BCL2: variants seen among roughly 807,000 people sequenced by gnomAD.
BCL2 encodes BCL2 apoptosis regulator, also known as apoptosis regulator Bcl-2.
Under a neutral mutation model 14.2 loss-of-function variants are expected in BCL2, and 1 was observed. The observed-to-expected ratio is 0.07, with a 90% CI of 0.02 to 0.33. The LOEUF (loss-of-function observed/expected upper bound fraction) is 0.33, where lower values mean the gene tolerates loss of function less well. Among genes scored for constraint, BCL2 ranks in the 10% least tolerant of loss-of-function variants. The pLI, the probability that BCL2 is intolerant of heterozygous loss-of-function variation, is 0.99. For synonymous variants in BCL2, 151 were observed against 137.2 expected (o/e 1.10, Z -0.70); for missense variants, 247 against 305.9 (o/e 0.81, Z 1.44).
At chr18:63,297,120 G>A (rs766953908) in intron 2 of BCL2, among the ~76,000 whole-genome samples, 1 of 152,142 alleles carries the variant, frequency 6.6e-6, no homozygotes, top group Non-Finnish European at 1.5e-5. Context: ...GGCTGAGGCA[G>A]GAGAATGGCA....
At chr18:63,249,488 C>G (rs1434668601) in intron 2 of BCL2, among the ~76,000 whole-genome samples, 2 of 152,136 alleles carry the variant, frequency 1.3e-5, no homozygotes, top group Admixed American at 1.3e-4. Flanking sequence ...GGGTGGATCA[C>G]TTGAGGTCAG....
chr18:63,273,910 G>T (rs181553717), intron 2 of BCL2, among the ~76,000 whole-genome samples: 10 of 152,290 alleles, frequency 6.6e-5, no homozygotes, highest in African/African-American at 1.7e-4. Flanking sequence ...ATAGACAAAT[G>T]AAATAAGACT....
chr18:63,169,343 T>TTC (rs1364602426), intron 2 of BCL2, among the ~76,000 whole-genome samples: 1 of 54,486 alleles, frequency 1.8e-5, no homozygotes, highest in Middle Eastern at 8.2e-3. Context: ...CTTCCTTTCT[T>TTC]TCTTTCTTTC....
At chr18:63,289,825 C>T (rs954025615) in intron 2 of BCL2, among the ~76,000 whole-genome samples, 19 of 152,044 alleles carry the variant, frequency 1.2e-4, no homozygotes, top group South Asian at 2.1e-4. Context: ...GCCTGGGAGG[C>T]GGAGGTTGCA....
At chr18:63,281,139 G>A (rs7239838) in intron 2 of BCL2, among the ~76,000 whole-genome samples, 137,646 of 152,114 alleles carry the variant, frequency 0.9, 63,317 homozygotes, top group South Asian at 0.99. Context: ...ATAGAGGCAG[G>A]CAGTAGTATG....
At chr18:63,304,343 A>C (rs1913056480) in intron 2 of BCL2, among the ~76,000 whole-genome samples, 1 of 152,192 alleles carries the variant, frequency 6.6e-6, no homozygotes, top group Admixed American at 6.5e-5. Flanking sequence ...ATGAACTTGC[A>C]GTAACATGCC....
At chr18:63,134,000 AT>A (rs1431133997) in intron 2 of BCL2, among the ~76,000 whole-genome samples, 2 of 152,198 alleles carry the variant, frequency 1.3e-5, no homozygotes, top group Non-Finnish European at 2.9e-5. Context: ...CTAAGGTCAT[AT>A]TGAGTAAAGC....
At chr18:63,181,137 G>GA (rs1915472526) in intron 2 of BCL2, among the ~76,000 whole-genome samples, 1 of 152,140 alleles carries the variant, frequency 6.6e-6, no homozygotes, top group South Asian at 2.1e-4. Flanking sequence ...CACCAGAAAT[G>GA]AAAAAGCGTT....
chr18:63,220,439 G>A (rs1336879770), intron 2 of BCL2, among the ~76,000 whole-genome samples: 1 of 152,118 alleles, frequency 6.6e-6, no homozygotes, highest in Non-Finnish European at 1.5e-5. Flanking sequence ...ATACAACATC[G>A]GTGGTTTGCA....
intron 2 of BCL2, 93 bp from the exon 3 acceptor site, chr18:63,128,852 G>A (rs1204547234): frequency 1.5e-5 from 10 of 646,624 alleles, no homozygotes; most frequent in Non-Finnish European, 2.9e-5. Flanking sequence ...TCCTGCCAGG[G>A]CAGCCTGGGC....
chr18:63,159,143 C>A (rs1237518738), intron 2 of BCL2, among the ~76,000 whole-genome samples: 1 of 152,204 alleles, frequency 6.6e-6, no homozygotes, highest in Non-Finnish European at 1.5e-5. Context: ...CCTTCCATTC[C>A]CTTCCTCTCT....
chr18:63,269,058 C>T (rs1266957485), intron 2 of BCL2, among the ~76,000 whole-genome samples: 1 of 151,652 alleles, frequency 6.6e-6, no homozygotes, highest in African/African-American at 2.4e-5. Flanking sequence ...AAATGGTCTT[C>T]CTGAGTCAGC....
intron 2 of BCL2, among the ~76,000 whole-genome samples, chr18:63,292,640 A>G (rs1205435523): frequency 2.0e-5 from 3 of 152,218 alleles, no homozygotes; most frequent in Non-Finnish European, 4.4e-5. Context: ...AAAGGCAATG[A>G]AAGAACCCTC....
At chr18:63,271,439 T>C (rs1484254815) in intron 2 of BCL2, among the ~76,000 whole-genome samples, 1 of 152,162 alleles carries the variant, frequency 6.6e-6, no homozygotes. Context: ...AAAGAGGTAT[T>C]GGAGAGCAAG....
intron 2 of BCL2, among the ~76,000 whole-genome samples, chr18:63,148,947 A>G (rs2144605514): frequency 6.6e-6 from 1 of 152,314 alleles, no homozygotes; most frequent in East Asian, 1.9e-4. Flanking sequence ...CAAACCCAGA[A>G]TTCTGACATA....
intron 2 of BCL2, among the ~76,000 whole-genome samples, chr18:63,257,324 GA>G (rs1362978600): frequency 3.3e-5 from 5 of 152,182 alleles, no homozygotes; most frequent in Non-Finnish European, 7.4e-5. Context: ...AGGACATCAA[GA>G]AAAACGAATA....
chr18:63,137,939 A>G (rs1914251701), intron 2 of BCL2, among the ~76,000 whole-genome samples: 1 of 152,220 alleles, frequency 6.6e-6, no homozygotes, highest in Non-Finnish European at 1.5e-5. Flanking sequence ...ATGCAAACGT[A>G]GAGACCACTG....
At chr18:63,303,756 A>G (rs1913036233) in intron 2 of BCL2, among the ~76,000 whole-genome samples, 1 of 152,220 alleles carries the variant, frequency 6.6e-6, no homozygotes, top group Non-Finnish European at 1.5e-5. Flanking sequence ...TTGGGGTTCA[A>G]TAAATATTCA....
chr18:63,143,215 G>A (rs1914413280), intron 2 of BCL2, among the ~76,000 whole-genome samples: 1 of 152,228 alleles, frequency 6.6e-6, no homozygotes, highest in African/African-American at 2.4e-5. Flanking sequence ...AGAAACGGGA[G>A]ACCCAGAGAC....
Sources: allele counts gnomAD v4.1 joint callset (sites outside exome capture counted in the v4.1 genomes callset), GRCh38; gene constraint gnomAD v4.1.1; transcripts MANE v1.5; gene names NCBI Gene and HGNC (gene_info 2026-07-23, HGNC 2026-07-21).